The following ANGPT2 variants were observed in gnomAD, a reference collection of about 807,000 sequenced individuals.
ANGPT2 encodes angiopoietin 2.
Under a neutral mutation model 62.9 loss-of-function variants are expected in ANGPT2, and 28 were observed. That is an observed-to-expected ratio of 0.44 (90% CI 0.33 to 0.61). The LOEUF is 0.61. Among genes scored for constraint, ANGPT2 ranks in the 20% least tolerant of loss-of-function variants. The probability of loss-of-function intolerance (pLI) is 0.03; values close to 1 mark genes in which losing one functional copy is unlikely to be tolerated. For missense variants in ANGPT2, 727 were observed against 594.9 expected, an observed-to-expected ratio of 1.22 and a Z score of -2.31; for synonymous variants, 284 against 207.8, an observed-to-expected ratio of 1.37 and a Z score of -3.15.
At chr8:6,532,530 C>T (rs756483411) in intron 1 of ANGPT2, 43 bp from the exon 2 acceptor site, 3 of 1,464,194 alleles carry the variant, frequency 2.0e-6, no homozygotes, top group South Asian at 2.9e-5. Flanking sequence ...AGTCAAATGA[C>T]CGGAAACCTG....
intron 5 of ANGPT2, among the ~76,000 whole-genome samples, chr8:6,515,350 C>G (rs1816047676): frequency 6.6e-6 from 1 of 152,136 alleles, no homozygotes; most frequent in African/African-American, 2.4e-5. Flanking sequence ...TGGTTCACAT[C>G]TGAGCACAAG....
chr8:6,544,140 C>G (rs756261041), intron 1 of ANGPT2, among the ~76,000 whole-genome samples: 6 of 152,220 alleles, frequency 3.9e-5, no homozygotes, highest in Non-Finnish European at 8.8e-5. Flanking sequence ...ATCTTCATCT[C>G]TTGATCTGAA....
chr8:6,535,955 G>C (rs1820407711), intron 1 of ANGPT2, among the ~76,000 whole-genome samples: 3 of 152,066 alleles, frequency 2.0e-5, no homozygotes, highest in African/African-American at 7.2e-5. Flanking sequence ...TACTGGGGAG[G>C]CTGAGGTGGG....
At chr8:6,531,292 TC>T (rs1172636154) in intron 2 of ANGPT2, among the ~76,000 whole-genome samples, 1 of 148,268 alleles carries the variant, frequency 6.7e-6, no homozygotes, top group Non-Finnish European at 1.5e-5. Context: ...TTTCTTTCTT[TC>T]TTTTTTTTTT....
intron 7 of ANGPT2, among the ~76,000 whole-genome samples, chr8:6,511,833 A>G (rs1479072539): frequency 6.6e-6 from 1 of 152,200 alleles, no homozygotes; most frequent in African/African-American, 2.4e-5. Context: ...GTCAGCGTAC[A>G]AGGGTAATGA....
chr8:6,516,386 A>T (rs966306847), intron 5 of ANGPT2, among the ~76,000 whole-genome samples: 2 of 152,124 alleles, frequency 1.3e-5, no homozygotes, highest in African/African-American at 4.8e-5. Flanking sequence ...TTGATCAGTT[A>T]CTCACCTTCT....
At chr8:6,505,328 C>T (rs1462754058) in intron 8 of ANGPT2, among the ~76,000 whole-genome samples, 11 of 48,544 alleles carry the variant, frequency 2.3e-4, no homozygotes, top group African/African-American at 2.4e-4. Context: ...ATGTTATATA[C>T]ATATAGAAAG....
At chr8:6,542,382 GT>G (rs1821770589) in intron 1 of ANGPT2, among the ~76,000 whole-genome samples, 2 of 152,062 alleles carry the variant, frequency 1.3e-5, no homozygotes, top group Non-Finnish European at 2.9e-5. Flanking sequence ...AAACTTGTGT[GT>G]GTGTGTTTCA....
At position 6,500,998 on chromosome 8, in the gene ANGPT2, C is replaced by T. The variant is rs115031136; in HGVS notation, c.*2103G>A. 114 of 152,240 alleles carry T rather than the reference C, an allele frequency of 7.5e-4. No individual in the cohort carries two copies. Among genetic ancestry groups the T allele is most frequent in the African/African-American group, 2.6e-3 (106 of 41,554 alleles). The allele number at this position is 152,240 out of a possible 1,614,324, so 9.4% of individuals were successfully genotyped here. A position where few individuals can be genotyped will look rare whatever the true frequency, so the allele number is the denominator to read the frequency against. ...ATCCTAGAAACTTGTTGTTGTCTTT[C>T]GAGGCTGTGAAATTTTCTTATTTTC... is the stretch of plus-strand genomic sequence containing the variant. On this transcript the variant is annotated 3_prime_UTR_variant, in exon 9 of 9. Coordinates refer to ENST00000629816, the MANE Select transcript of ANGPT2 (RefSeq NM_001118887.2).
chr8:6,544,518 G>A (rs1483590440), intron 1 of ANGPT2, among the ~76,000 whole-genome samples: 1 of 152,132 alleles, frequency 6.6e-6, no homozygotes, highest in Non-Finnish European at 1.5e-5. Flanking sequence ...ACCAGCTCTA[G>A]GGATGTTTCC....
chr8:6,525,250 T>C (rs572018586), intron 3 of ANGPT2, among the ~76,000 whole-genome samples: 56 of 152,314 alleles, frequency 3.7e-4, no homozygotes, highest in Middle Eastern at 3.4e-3. Context: ...AGCCCCCTGA[T>C]CGTTGTAAAT....
Position 6,530,139 on chromosome 8 carries a change from G to C in ANGPT2, c.444+2193C>G, listed in dbSNP as rs187106957. On this transcript the variant is annotated intron_variant, in intron 2 of 8. Transcript: ENST00000629816. ...ATGAGCTATTCAATTACCCATCAGT[G>C]TTAGTATCAAAAGGTGGGGCATGTG... Among the ~76,000 whole-genome samples the C allele has an allele frequency of 2.0e-5, 3 of 152,222 alleles. No individual in the cohort carries two copies. In the East Asian group the frequency reaches 5.8e-4, roughly 29 times the overall value.
At chr8:6,545,239 G>C (rs566042051) in intron 1 of ANGPT2, among the ~76,000 whole-genome samples, 33 of 152,286 alleles carry the variant, frequency 2.2e-4, no homozygotes, top group African/African-American at 7.7e-4. Flanking sequence ...TGCTGAAAAT[G>C]TTTCCTAGAT....
chr8:6,519,816 T>C (rs939495421), intron 5 of ANGPT2, 48 bp downstream of exon 5: 1 of 1,599,358 alleles, frequency 6.3e-7, no homozygotes. Context: ...CTCACTAAAG[T>C]GGCCTGCCTA....
At chr8:6,540,029 C>T (rs911535547) in intron 1 of ANGPT2, among the ~76,000 whole-genome samples, 5 of 152,182 alleles carry the variant, frequency 3.3e-5, no homozygotes, top group Non-Finnish European at 7.3e-5. Context: ...TTGTGGGCCT[C>T]AGCTGGTGGC....
intron 8 of ANGPT2, among the ~76,000 whole-genome samples, chr8:6,504,901 G>A (rs968696716): frequency 1.2e-4 from 18 of 151,844 alleles, no homozygotes; most frequent in Non-Finnish European, 2.2e-4. Flanking sequence ...TTTCCCCTAA[G>A]GATAAGGGAG....
In ANGPT2 at chr8:6,503,316, A is replaced by G. The variant is rs565533729; in HGVS notation, c.1328-55T>C. The G allele has an allele frequency of 2.6e-5, 41 of 1,594,146 alleles. No individual in the cohort carries two copies. In the South Asian group the frequency reaches 4.0e-4, roughly 16 times the overall value. ...GAACTAGGTGATGCCAGCTCCCACC[A>G]CGAAGACAGCAATACTCAGCTAAGG... On this transcript the variant is annotated intron_variant, in intron 8 of 8. Coordinates refer to ENST00000629816, the MANE Select transcript of ANGPT2 (RefSeq NM_001118887.2).
At chr8:6,510,076 A>C (rs930501596) in intron 7 of ANGPT2, among the ~76,000 whole-genome samples, 9 of 152,258 alleles carry the variant, frequency 5.9e-5, no homozygotes, top group African/African-American at 2.2e-4. Context: ...AATTGCAAAA[A>C]TACGGCTTAC....
chr8:6,542,053 G>A (rs375291742), intron 1 of ANGPT2, among the ~76,000 whole-genome samples: 18 of 149,542 alleles, frequency 1.2e-4, no homozygotes, highest in African/African-American at 4.4e-4. Flanking sequence ...ATTACAAATA[G>A]AAGCAGTTAA....
Sources: gnomAD v4.1 joint callset for allele counts (sites outside exome capture counted in the v4.1 genomes callset) on GRCh38, gnomAD v4.1.1 for gene constraint, MANE v1.5 for transcripts, NCBI Gene and HGNC (gene_info 2026-07-23, HGNC 2026-07-21) for gene names.